Variants in SND1 observed in about 807,000 individuals in gnomAD.
SND1 encodes the protein staphylococcal nuclease domain-containing protein 1.
In SND1, 38 loss-of-function variants were observed where a neutral mutation model predicts 121.7. The observed-to-expected ratio is 0.31, with a 90% CI of 0.24 to 0.41. The LOEUF (loss-of-function observed/expected upper bound fraction) is 0.41. SND1 is among the 10% of genes least tolerant of loss of function. The probability of loss-of-function intolerance (pLI) is 1.00; values close to 1 mark genes in which losing one functional copy is unlikely to be tolerated. For synonymous variants in SND1, 401 were observed against 447.4 expected (o/e 0.90, Z 1.31); for missense variants, 868 against 1,184.6 (o/e 0.73, Z 3.92).
chr7:127,896,406 T>C (rs1800120496), intron 13 of SND1, among the ~76,000 whole-genome samples: 1 of 152,120 alleles, frequency 6.6e-6, no homozygotes. Context: ...TCTTACAACT[T>C]GCTTCCCTAA....
chr7:127,849,392 A>T (rs570580052), intron 12 of SND1, among the ~76,000 whole-genome samples: 3 of 152,346 alleles, frequency 2.0e-5, no homozygotes, highest in African/African-American at 7.2e-5. Context: ...CTCCTTGCTT[A>T]TGCCTTTCTG....
chr7:127,719,452 A>G (rs780976113), intron 9 of SND1, among the ~76,000 whole-genome samples: 2 of 152,138 alleles, frequency 1.3e-5, no homozygotes, highest in Non-Finnish European at 2.9e-5. Context: ...GGTTTGGGGT[A>G]GCTAGCCCTG....
chr7:127,788,601 G>T (rs1024792200), intron 10 of SND1, among the ~76,000 whole-genome samples: 1 of 151,956 alleles, frequency 6.6e-6, no homozygotes, highest in African/African-American at 2.4e-5. Context: ...TCAACTATGC[G>T]ACCCACTAAA....
chr7:127,934,363 A>G (rs1372135722), intron 15 of SND1, among the ~76,000 whole-genome samples: 2 of 152,158 alleles, frequency 1.3e-5, no homozygotes, highest in African/African-American at 2.4e-5. Context: ...CTTCTCTTTC[A>G]GATTATGCAG....
At chr7:127,770,009 G>C (rs1460260713) in intron 10 of SND1, among the ~76,000 whole-genome samples, 1 of 152,134 alleles carries the variant, frequency 6.6e-6, no homozygotes, top group Non-Finnish European at 1.5e-5. Flanking sequence ...GTATCCTTCT[G>C]AATGGAGGGA....
intron 2 of SND1, among the ~76,000 whole-genome samples, chr7:127,687,986 A>G (rs73723036): frequency 0.017 from 2,595 of 152,254 alleles, 92 homozygotes; most frequent in African/African-American, 0.059. Context: ...CCCCTGGCCT[A>G]TTCCAGATTC....
At chr7:128,075,011 G>A (rs769419613) in intron 17 of SND1, among the ~76,000 whole-genome samples, 7 of 152,190 alleles carry the variant, frequency 4.6e-5, no homozygotes, top group African/African-American at 9.6e-5. Context: ...CAAAATGCCC[G>A]GGGCGCCCCT....
intron 17 of SND1, among the ~76,000 whole-genome samples, chr7:128,075,427 C>T (rs1793491266): frequency 6.6e-6 from 1 of 152,200 alleles, no homozygotes; most frequent in African/African-American, 2.4e-5. Flanking sequence ...TAAATGCTTC[C>T]TTCCCCATGG....
At chr7:127,818,444 G>C (rs2116599065) in intron 11 of SND1, among the ~76,000 whole-genome samples, 1 of 152,164 alleles carries the variant, frequency 6.6e-6, no homozygotes. Flanking sequence ...CTATTTTTTG[G>C]CTTGAATTCT....
chr7:128,071,277 C>A (rs964821419), intron 16 of SND1, among the ~76,000 whole-genome samples: 1 of 152,196 alleles, frequency 6.6e-6, no homozygotes, highest in Admixed American at 6.5e-5. Flanking sequence ...AAACACAGAA[C>A]AAGGTTATTT....
intron 12 of SND1, among the ~76,000 whole-genome samples, chr7:127,865,115 G>C (rs1303115042): frequency 1.3e-5 from 2 of 152,236 alleles, no homozygotes; most frequent in Admixed American, 6.5e-5. Context: ...CTTGCACCCA[G>C]ATCAGCAGTT....
At chr7:127,713,062 G>T (rs1194449648) in intron 9 of SND1, among the ~76,000 whole-genome samples, 1 of 152,202 alleles carries the variant, frequency 6.6e-6, no homozygotes, top group East Asian at 1.9e-4. Flanking sequence ...CTAATATGTT[G>T]TAAAACAGGG....
chr7:127,893,287 C>G (rs1800049843), intron 13 of SND1, among the ~76,000 whole-genome samples: 1 of 152,100 alleles, frequency 6.6e-6, no homozygotes, highest in Non-Finnish European at 1.5e-5. Flanking sequence ...GTTATGGACA[C>G]TGAATACAAG....
intron 12 of SND1, among the ~76,000 whole-genome samples, chr7:127,849,708 T>A (rs1289454707): frequency 6.6e-6 from 1 of 152,248 alleles, no homozygotes; most frequent in Non-Finnish European, 1.5e-5. Flanking sequence ...AAATTCCTGT[T>A]TATTTTCTGC....
At chr7:127,983,729 C>T (rs2116905569) in intron 15 of SND1, among the ~76,000 whole-genome samples, 1 of 152,024 alleles carries the variant, frequency 6.6e-6, no homozygotes, top group East Asian at 1.9e-4. Flanking sequence ...TATTAATTTG[C>T]CTAAATATAT....
intron 11 of SND1, among the ~76,000 whole-genome samples, chr7:127,809,110 G>A (rs1343910604): frequency 6.6e-6 from 1 of 152,176 alleles, no homozygotes; most frequent in Non-Finnish European, 1.5e-5. Flanking sequence ...TTAGACCAAG[G>A]TTCTGCTCTC....
chr7:127,823,756 T>C (rs1798593962), intron 11 of SND1, among the ~76,000 whole-genome samples: 1 of 150,808 alleles, frequency 6.6e-6, no homozygotes, highest in African/African-American at 2.5e-5. Context: ...CTTTTTTTTT[T>C]CTATTCACTT....
At chr7:128,012,023 ATATT>A (rs1803127526) in intron 16 of SND1, among the ~76,000 whole-genome samples, 1 of 152,198 alleles carries the variant, frequency 6.6e-6, no homozygotes, top group African/African-American at 2.4e-5. Flanking sequence ...ATATAAATAT[ATATT>A]AATGTTGAAG....
chr7:128,084,871 CAG>C (rs1490692818), intron 19 of SND1, 24 bp downstream of exon 19: 1 of 1,581,570 alleles, frequency 6.3e-7, no homozygotes. Context: ...AAAAGCAAGG[CAG>C]AGTCTTGAGC....
Sources: allele counts gnomAD v4.1 joint callset (sites outside exome capture counted in the v4.1 genomes callset), GRCh38; gene constraint gnomAD v4.1.1; transcripts MANE v1.5; gene names NCBI Gene and HGNC (gene_info 2026-07-23, HGNC 2026-07-21).